The following RANBP10 variants were observed in gnomAD, a reference collection of about 807,000 sequenced individuals.
RANBP10 encodes ran-binding protein 10.
Under a neutral mutation model 72.8 loss-of-function variants are expected in RANBP10, and 24 were observed. The observed-to-expected ratio is 0.33, with a 90% CI of 0.24 to 0.46. RANBP10 has a LOEUF of 0.46. RANBP10 is among the 20% of genes least tolerant of loss of function. RANBP10 has a pLI of 1.00. For synonymous variants in RANBP10, 310 were observed against 322.3 expected (o/e 0.96, Z 0.41); for missense variants, 679 against 817.5 (o/e 0.83, Z 2.07).
intron 6 of RANBP10, among the ~76,000 whole-genome samples, chr16:67,734,016 G>A (rs1165379936): frequency 6.6e-6 from 1 of 152,184 alleles, no homozygotes; most frequent in Non-Finnish European, 1.5e-5. Context: ...AGGCAGCAAT[G>A]CTGTTTTTCC....
At chr16:67,777,474 T>G (rs967233814) in intron 2 of RANBP10, among the ~76,000 whole-genome samples, 2 of 151,844 alleles carry the variant, frequency 1.3e-5, no homozygotes, top group African/African-American at 4.8e-5. Context: ...AGGCTGAGCT[T>G]GCAGTGAGCC....
chr16:67,727,402 T>C lies in RANBP10; in HGVS notation c.1657A>G (p.Ser553Gly). ...TCAAGCTGCTGGCCAACTGGGCAGC[T>C]CCAGGGGTCTGAGTATGCCAGCAGG... ...FSLLAYSDPWSCPVGQQLDPI... is the reference protein window; with the variant it reads ...FSLLAYSDPWGCPVGQQLDPI... The change falls in exon 13 of 14, where the codon AGC becomes GGC. Residue 553 changes from serine (S) to glycine (G), a missense_variant. Physicochemically the swap from Ser to Gly is moderately conservative, Grantham distance 56. Transcript: ENST00000317506. 6.2e-7 allele frequency: 1 copy of C among 1,614,034 alleles called. No homozygotes were observed.
At chr16:67,804,477 C>G (rs968470333) in intron 2 of RANBP10, among the ~76,000 whole-genome samples, 5 of 151,940 alleles carry the variant, frequency 3.3e-5, no homozygotes, top group Non-Finnish European at 7.4e-5. Flanking sequence ...TCTCAGCTCA[C>G]TACAACCTCC....
intron 3 of RANBP10, among the ~76,000 whole-genome samples, chr16:67,766,876 C>T (rs2054512182): frequency 6.6e-6 from 1 of 152,142 alleles, no homozygotes; most frequent in South Asian, 2.1e-4. Context: ...ATCCATCCTT[C>T]CCAGGGAGAA....
intron 3 of RANBP10, among the ~76,000 whole-genome samples, chr16:67,765,876 G>A (rs1426843834): frequency 1.3e-5 from 2 of 151,968 alleles, no homozygotes; most frequent in Non-Finnish European, 2.9e-5. Context: ...AGTCAGACAT[G>A]GTGGCATGTG....
intron 3 of RANBP10, among the ~76,000 whole-genome samples, chr16:67,767,454 CAAAAAAAA>C (rs1178049394): frequency 1.7e-4 from 11 of 64,074 alleles, no homozygotes; most frequent in East Asian, 1.5e-3. Context: ...GACCCTGTTT[CAAAAAAAA>C]AAAAAAAAAA....
At position 67,727,430 on chromosome 16, in the gene RANBP10, G is replaced by A. The variant is rs776289648; in HGVS notation, c.1629C>T (p.Phe543=). The change falls in exon 13 of 14, where the codon TTC becomes TTT. Residue 543 remains phenylalanine (F), a synonymous_variant. Transcript: ENST00000317506. ...AGGGGTCTGAGTATGCCAGCAGGCT[G>A]AAGGCATCCTACAGGACAGGGCATT... ...LAHTEMLQDA[F]SLLAYSDPWS... The A allele has an allele frequency of 5.0e-6, 8 of 1,613,298 alleles. No homozygotes were observed. Among genetic ancestry groups the A allele is most frequent in the Non-Finnish European group, 5.9e-6 (7 of 1,179,614 alleles).
intron 4 of RANBP10, among the ~76,000 whole-genome samples, chr16:67,742,500 A>G (rs548446968): frequency 1.3e-4 from 20 of 152,226 alleles, no homozygotes; most frequent in Non-Finnish European, 2.6e-4. Flanking sequence ...GTCTATAAAA[A>G]GCATCCACTA....
chr16:67,789,503 T>G (rs1278895316), intron 2 of RANBP10, among the ~76,000 whole-genome samples: 2 of 151,258 alleles, frequency 1.3e-5, no homozygotes, highest in Non-Finnish European at 2.9e-5. Context: ...GGAGTCTCAC[T>G]CTGTTGCCTA....
intron 2 of RANBP10, among the ~76,000 whole-genome samples, chr16:67,796,175 C>G (rs1021307267): frequency 3.3e-5 from 5 of 152,154 alleles, no homozygotes; most frequent in African/African-American, 1.2e-4. Flanking sequence ...CTCGGCCTCC[C>G]AAAGCGCTGG....
Position 67,723,966 on chromosome 16 carries a change from A to C in RANBP10, c.*2462T>G, listed in dbSNP as rs1220296780. On this transcript the variant is annotated 3_prime_UTR_variant, in exon 14 of 14. Transcript: ENST00000317506. The stretch of plus-strand genomic sequence containing the variant: ...GGTGAGCTGCCCAACTGGGACAGAG[A>C]GCCCCTCTGGAGAGGAACAGAGTAA... The C allele has an allele frequency of 1.3e-5, 2 of 152,652 alleles. No homozygotes were observed. The highest frequency in any genetic ancestry group is 4.8e-5 in the African/African-American group (2 of 41,458). The allele number at this position is 152,652 out of a possible 1,614,324, so 9.5% of individuals were successfully genotyped here.
chr16:67,785,011 A>C (rs961634122), intron 2 of RANBP10, among the ~76,000 whole-genome samples: 1 of 151,762 alleles, frequency 6.6e-6, no homozygotes, highest in African/African-American at 2.4e-5. Context: ...GAAGTTTGAG[A>C]CCAACCTGGC....
Position 67,803,834 on chromosome 16 carries a change from A to G in RANBP10, c.347+1594T>C, listed in dbSNP as rs574818317. 1.3e-3 allele frequency among the ~76,000 whole-genome samples: 197 copies of G among 149,190 alleles called. 1 individual carries two copies. Among genetic ancestry groups the G allele is most frequent in the Non-Finnish European group, 2.3e-3 (155 of 67,112 alleles). ...CAGAGCAAGACCCCATCTCATTAAA[A>G]AAAAAAAAAAAAAAAAAGAGAGAGA... On this transcript the variant is annotated intron_variant, in intron 2 of 13. Transcript: ENST00000317506.
At chr16:67,767,059 C>G (rs566077243) in intron 3 of RANBP10, among the ~76,000 whole-genome samples, 1 of 152,132 alleles carries the variant, frequency 6.6e-6, no homozygotes, top group African/African-American at 2.4e-5. Flanking sequence ...AGAAGTGCAC[C>G]CATGAGGAAA....
intron 3 of RANBP10, among the ~76,000 whole-genome samples, chr16:67,751,923 T>G (rs1170953305): frequency 3.3e-5 from 5 of 151,882 alleles, no homozygotes; most frequent in African/African-American, 4.8e-5. Flanking sequence ...ATTTAAAAAT[T>G]TTTAACTCTG....
intron 3 of RANBP10, among the ~76,000 whole-genome samples, chr16:67,766,263 T>C (rs2054500257): frequency 6.6e-6 from 1 of 152,128 alleles, no homozygotes; most frequent in Non-Finnish European, 1.5e-5. Flanking sequence ...TTTTGCAAAA[T>C]GTATGCTCAT....
chr16:67,746,460 G>A (rs1056015276), intron 3 of RANBP10, among the ~76,000 whole-genome samples: 20 of 151,964 alleles, frequency 1.3e-4, no homozygotes, highest in Non-Finnish European at 2.4e-4. Flanking sequence ...CAGCCTGGGC[G>A]ACACAGCAAG....
intron 2 of RANBP10, among the ~76,000 whole-genome samples, chr16:67,793,279 G>T (rs145691136): frequency 6.6e-4 from 100 of 150,896 alleles, no homozygotes; most frequent in African/African-American, 2.1e-3. Flanking sequence ...TGTTCATCCA[G>T]ACACTGGCCT....
chr16:67,776,823 CTATT>C (rs987363208), intron 2 of RANBP10, among the ~76,000 whole-genome samples: 6 of 151,642 alleles, frequency 4.0e-5, no homozygotes, highest in Non-Finnish European at 7.4e-5. Flanking sequence ...ATAAGTTACT[CTATT>C]TCTCACTTTT....
Sources: allele counts gnomAD v4.1 joint callset (sites outside exome capture counted in the v4.1 genomes callset), GRCh38; gene constraint gnomAD v4.1.1; transcripts MANE v1.5; gene names NCBI Gene and HGNC (gene_info 2026-07-23, HGNC 2026-07-21).